Variants in GGNBP2 observed in about 807,000 individuals in gnomAD.
GGNBP2 encodes gametogenetin binding protein 2.
Under a neutral mutation model 85.9 loss-of-function variants are expected in GGNBP2, and 10 were observed. That is an observed-to-expected ratio of 0.12 (90% CI 0.07 to 0.20). The LOEUF (loss-of-function observed/expected upper bound fraction) is 0.20. GGNBP2 is among the 10% of genes least tolerant of loss of function. The pLI, the probability that GGNBP2 is intolerant of heterozygous loss-of-function variation, is 1.00. For synonymous variants in GGNBP2, 287 were observed against 285.7 expected (o/e 1.00, Z -0.05); for missense variants, 595 against 857.8 (o/e 0.69, Z 3.83).
At position 36,577,896 on chromosome 17, in the gene GGNBP2, A is replaced by G. The variant is rs763922514; in HGVS notation, c.642-87A>G. 11 of 967,872 alleles carry G rather than the reference A, an allele frequency of 1.1e-5. No homozygotes were observed. The African/African-American group carries it at 1.4e-4, about 13-fold the overall frequency. The allele number at this position is 967,872 out of a possible 1,614,324, so 60.0% of individuals were successfully genotyped here. On this transcript the variant is annotated intron_variant, in intron 6 of 13. Transcript: ENST00000613102. ...TTATTTTGGATGCTGTAGATGGGAG[A>G]GAGTGCCATCATCTAGTACACTGTT...
At chr17:36,577,534 T>C (rs535060096) in intron 6 of GGNBP2, 1 of 164,536 alleles carries the variant, frequency 6.1e-6, no homozygotes, top group South Asian at 1.5e-4. Flanking sequence ...GTAATAGAAA[T>C]TGGAGTCAAG....
At chr17:36,575,152 G>A (rs2074563791) in intron 6 of GGNBP2, 3 of 679,732 alleles carry the variant, frequency 4.4e-6, no homozygotes, top group Non-Finnish European at 8.0e-6. Flanking sequence ...CCAGCTTGGT[G>A]ATAGGCATCC....
At chr17:36,565,696 G>A (rs977059930) in intron 5 of GGNBP2, among the ~76,000 whole-genome samples, 3 of 152,106 alleles carry the variant, frequency 2.0e-5, no homozygotes, top group Admixed American at 2.0e-4. Flanking sequence ...AGGAGTTCGC[G>A]ACCAGCCTGG....
intron 5 of GGNBP2, among the ~76,000 whole-genome samples, chr17:36,565,379 T>C (rs1188660633): frequency 2.6e-5 from 4 of 152,126 alleles, no homozygotes; most frequent in Non-Finnish European, 5.9e-5. Context: ...CTTAAAAGAA[T>C]AATAGAAGGC....
In GGNBP2 at chr17:36,587,049, G is replaced by A; in HGVS notation, c.1694G>A (p.Gly565Glu). ...GATCCAGGTAATCGAGAGACCTCAG[G>A]AAATACCATGCACACAGTGTTTCAC... ...ITDPGNRETS[G>E]NTMHTVFHRD... Residue 565 changes from glycine to glutamate, a missense_variant, in exon 13 of 14, where the codon GGA (glycine) becomes GAA (glutamate). This residue lies in a region of GGNBP2 where 120 missense variants were observed against 126.3 expected (regional missense o/e 0.95). Coordinates refer to ENST00000613102, the MANE Select transcript of GGNBP2 (RefSeq NM_024835.5). The A allele has an allele frequency of 6.2e-7, 1 of 1,613,760 alleles. No individual in the cohort carries two copies. Among genetic ancestry groups the A allele is most frequent in the East Asian group, 2.2e-5 (1 of 44,872 alleles).
intron 5 of GGNBP2, 106 bp downstream of exon 5, chr17:36,560,977 G>T: frequency 1.6e-6 from 1 of 630,492 alleles, no homozygotes. Context: ...TCATTAATTG[G>T]TTATACTCTA....
chr17:36,570,846 C>G (rs942618655), intron 6 of GGNBP2, among the ~76,000 whole-genome samples: 3 of 152,018 alleles, frequency 2.0e-5, no homozygotes, highest in Non-Finnish European at 4.4e-5. Flanking sequence ...CATGGTGAAA[C>G]CCCTCTCTAC....
chr17:36,575,648 A>ATATATATATTTTTTT (rs374366757), intron 6 of GGNBP2, among the ~76,000 whole-genome samples: 3 of 54,912 alleles, frequency 5.5e-5, no homozygotes, highest in African/African-American at 3.3e-4. Context: ...ATATATATAT[A>ATATATATATTTTTTT]TTTTTTTTTT....
intron 6 of GGNBP2, among the ~76,000 whole-genome samples, chr17:36,573,157 G>C (rs1599532857): frequency 6.6e-6 from 1 of 152,088 alleles, no homozygotes; most frequent in South Asian, 2.1e-4. Flanking sequence ...CTGTTGCCCA[G>C]GCAGGGGTGC....
At chr17:36,581,254 C>T in intron 8 of GGNBP2, 90 bp from the exon 9 acceptor site, 2 of 847,324 alleles carry the variant, frequency 2.4e-6, no homozygotes, top group Non-Finnish European at 3.7e-6. Context: ...CACTGCACTC[C>T]AGTCTGGGCG....
intron 2 of GGNBP2, among the ~76,000 whole-genome samples, chr17:36,551,209 C>CTT (rs67093103): frequency 2.7e-4 from 39 of 146,034 alleles, no homozygotes; most frequent in Admixed American, 8.8e-4. Flanking sequence ...TCTTTATTGA[C>CTT]TTTTTTTTTT....
At chr17:36,565,058 G>A (rs2074455077) in intron 5 of GGNBP2, among the ~76,000 whole-genome samples, 1 of 152,132 alleles carries the variant, frequency 6.6e-6, no homozygotes, top group Non-Finnish European at 1.5e-5. Context: ...AAAGAAATTA[G>A]TAAAGAAACC....
At chr17:36,563,870 A>G (rs2074444169) in intron 5 of GGNBP2, among the ~76,000 whole-genome samples, 2 of 151,676 alleles carry the variant, frequency 1.3e-5, no homozygotes, top group African/African-American at 2.4e-5. Flanking sequence ...CAGCCTCCCA[A>G]GTAGCTGGGA....
intron 8 of GGNBP2, among the ~76,000 whole-genome samples, chr17:36,581,012 CG>C (rs1037740700): frequency 1.3e-5 from 2 of 149,508 alleles, no homozygotes; most frequent in Admixed American, 1.3e-4. Flanking sequence ...GGACCGGGCA[CG>C]GTGGCTCACG....
At chr17:36,556,935 A>T in intron 3 of GGNBP2, 148 bp from the exon 4 acceptor site, 3 of 805,450 alleles carry the variant, frequency 3.7e-6, no homozygotes, top group Non-Finnish European at 6.1e-6. Flanking sequence ...AAAGCTGACT[A>T]CTTTGCCTTT....
chr17:36,573,116 C>G (rs1026032649), intron 6 of GGNBP2, among the ~76,000 whole-genome samples: 1 of 151,910 alleles, frequency 6.6e-6, no homozygotes, highest in Non-Finnish European at 1.5e-5. Flanking sequence ...ATTCACTTTT[C>G]TTTTTTCTTT....
intron 2 of GGNBP2, among the ~76,000 whole-genome samples, chr17:36,549,675 GA>G (rs1224429180): frequency 1.3e-5 from 2 of 151,992 alleles, no homozygotes; most frequent in African/African-American, 4.8e-5. Flanking sequence ...ATGTAATTTT[GA>G]AAACATTTTT....
rs377649179 is a variant in GGNBP2 at position 36,586,464 on chromosome 17, A to C, written c.1641+266A>C. ...AATTATAAGCTGTGTAATCTTAAAC[A>C]ATTTGTTTAGTCCCTATCATATTAG... On this transcript the variant is annotated intron_variant, in intron 12 of 13. Coordinates refer to ENST00000613102, the MANE Select transcript of GGNBP2 (RefSeq NM_024835.5). 157 of 451,620 alleles carry C rather than the reference A, an allele frequency of 3.5e-4. No homozygotes were observed. In the South Asian group the frequency reaches 4.1e-3, roughly 12 times the overall value. The allele number at this position is 451,620 out of a possible 1,614,324, so 28.0% of individuals were successfully genotyped here.
chr17:36,588,112 G>C (rs1169069184), intron 13 of GGNBP2, among the ~76,000 whole-genome samples: 1 of 152,168 alleles, frequency 6.6e-6, no homozygotes, highest in Non-Finnish European at 1.5e-5. Context: ...GTCATGTAGG[G>C]TAAGACTCCA....
Sources: gnomAD v4.1 joint callset for allele counts (sites outside exome capture counted in the v4.1 genomes callset) on GRCh38, gnomAD v4.1.1 for gene constraint, gnomAD v4.1.1 regional missense constraint, MANE v1.5 for transcripts, NCBI Gene and HGNC (gene_info 2026-07-23, HGNC 2026-07-21) for gene names.